Variants in JAKMIP2 observed in about 807,000 individuals in gnomAD.
JAKMIP2 encodes the protein janus kinase and microtubule-interacting protein 2.
JAKMIP2 carries 25 observed loss-of-function variants against 115.0 expected under a neutral mutation model. That is an observed-to-expected ratio of 0.22 (90% CI 0.16 to 0.30). JAKMIP2 has a LOEUF of 0.30. JAKMIP2 is among the 10% of genes least tolerant of loss of function. JAKMIP2 has a pLI of 1.00. For missense variants in JAKMIP2, 642 were observed against 957.6 expected (o/e 0.67, Z 4.35); for synonymous variants, 334 against 343.6 (o/e 0.97, Z 0.31).
intron 21 of JAKMIP2, among the ~76,000 whole-genome samples, chr5:147,594,717 T>C (rs115781044): frequency 0.013 from 1,939 of 152,168 alleles, 19 homozygotes; most frequent in South Asian, 0.06. Flanking sequence ...TTTAACCAGT[T>C]ACACCATCTA....
intron 18 of JAKMIP2, among the ~76,000 whole-genome samples, chr5:147,620,304 A>G (rs140819230): frequency 1.4e-3 from 219 of 152,178 alleles, no homozygotes; most frequent in African/African-American, 5.0e-3. Flanking sequence ...TTGGAGATAC[A>G]AGGTTTCACC....
chr5:147,759,146 A>G (rs1055587482), intron 1 of JAKMIP2, among the ~76,000 whole-genome samples: 1 of 152,130 alleles, frequency 6.6e-6, no homozygotes, highest in African/African-American at 2.4e-5. Context: ...ACATGCCCAT[A>G]CCAGAAGATG....
At chr5:147,686,149 A>G (rs1760559303) in intron 1 of JAKMIP2, among the ~76,000 whole-genome samples, 1 of 152,178 alleles carries the variant, frequency 6.6e-6, no homozygotes, top group Admixed American at 6.5e-5. Flanking sequence ...TCTTCATTGA[A>G]CAGAGAACCA....
chr5:147,675,446 C>T (rs1759886879), intron 1 of JAKMIP2, among the ~76,000 whole-genome samples: 1 of 151,978 alleles, frequency 6.6e-6, no homozygotes, highest in African/African-American at 2.4e-5. Context: ...TCTAATTTTA[C>T]TGCATCTCTT....
intron 16 of JAKMIP2, among the ~76,000 whole-genome samples, chr5:147,627,916 C>T (rs143262788): frequency 1.5e-4 from 22 of 151,492 alleles, no homozygotes; most frequent in African/African-American, 4.1e-4. Context: ...TTATTTGGCC[C>T]GTAGAATTCC....
At chr5:147,607,446 C>T (rs1250433506) in intron 20 of JAKMIP2, among the ~76,000 whole-genome samples, 1 of 152,146 alleles carries the variant, frequency 6.6e-6, no homozygotes, top group Non-Finnish European at 1.5e-5. Context: ...TGGTTTTTGT[C>T]ATTGGTTCTG....
At chr5:147,705,898 T>C (rs1247979347) in intron 1 of JAKMIP2, among the ~76,000 whole-genome samples, 1 of 152,208 alleles carries the variant, frequency 6.6e-6, no homozygotes, top group African/African-American at 2.4e-5. Context: ...ACTCCTGTGT[T>C]GTAGTGGGAG....
intron 12 of JAKMIP2, among the ~76,000 whole-genome samples, chr5:147,635,327 T>C (rs1230961897): frequency 6.6e-6 from 1 of 152,208 alleles, no homozygotes; most frequent in East Asian, 1.9e-4. Flanking sequence ...GCCTAAGCCA[T>C]GTTTTTGTTT....
chr5:147,688,132 G>C (rs1297596929), intron 1 of JAKMIP2, among the ~76,000 whole-genome samples: 1 of 152,152 alleles, frequency 6.6e-6, no homozygotes. Flanking sequence ...TTACAAAGAA[G>C]TCCTGTTCTA....
At chr5:147,759,508 G>T (rs74438390) in intron 1 of JAKMIP2, among the ~76,000 whole-genome samples, 3,739 of 152,054 alleles carry the variant, frequency 0.025, 175 homozygotes, top group African/African-American at 0.084. Context: ...TGCTAGTGGT[G>T]GACAAGAAAC....
At chr5:147,713,891 G>T (rs969423182) in intron 1 of JAKMIP2, among the ~76,000 whole-genome samples, 1 of 152,194 alleles carries the variant, frequency 6.6e-6, no homozygotes, top group African/African-American at 2.4e-5. Context: ...AAAAGTAAAT[G>T]AGTACTCATG....
chr5:147,774,591 C>T (rs1755486842), intron 1 of JAKMIP2, among the ~76,000 whole-genome samples: 1 of 152,022 alleles, frequency 6.6e-6, no homozygotes, highest in Non-Finnish European at 1.5e-5. Context: ...ACTTAAAATA[C>T]CTAATAATTT....
At chr5:147,704,471 C>T (rs1752491515) in intron 1 of JAKMIP2, among the ~76,000 whole-genome samples, 1 of 152,096 alleles carries the variant, frequency 6.6e-6, no homozygotes, top group African/African-American at 2.4e-5. Flanking sequence ...TTTTGTGGGA[C>T]ATGGCTGTAT....
rs1754828969 is a variant in JAKMIP2, at chr5:147,585,448, A to T, written c.*6259T>A. 1 of 152,220 alleles carries T rather than the reference A, an allele frequency of 6.6e-6. No individual in the cohort carries two copies. Among genetic ancestry groups the T allele is most frequent in the Admixed American group, 6.5e-5 (1 of 15,282 alleles). The allele number at this position is 152,220 out of a possible 1,614,324, so 9.4% of individuals were successfully genotyped here. ...CAATGAAAGATAAAGTTTTTAAAAA[A>T]TGCAGCTTGTTTTATTTTTATATAA... On this transcript the variant is annotated 3_prime_UTR_variant, in exon 22 of 22. Coordinates refer to ENST00000616793, the MANE Select transcript of JAKMIP2 (RefSeq NM_001270941.2).
intron 16 of JAKMIP2, among the ~76,000 whole-genome samples, chr5:147,625,433 G>A (rs1757052202): frequency 6.6e-6 from 1 of 152,138 alleles, no homozygotes; most frequent in Non-Finnish European, 1.5e-5. Flanking sequence ...GCCGAGACTG[G>A]AGAGGTGCTA....
intron 1 of JAKMIP2, among the ~76,000 whole-genome samples, chr5:147,720,519 C>T (rs1157047560): frequency 2.7e-5 from 4 of 148,772 alleles, no homozygotes; most frequent in South Asian, 2.2e-4. Context: ...TTCACATAGT[C>T]CCATATTTCT....
intron 1 of JAKMIP2, among the ~76,000 whole-genome samples, chr5:147,688,178 C>T (rs1361079452): frequency 6.6e-6 from 1 of 152,198 alleles, no homozygotes; most frequent in Non-Finnish European, 1.5e-5. Context: ...AACACATTTG[C>T]TGTCCAGAGC....
chr5:147,655,389 G>T (rs939926383), intron 3 of JAKMIP2, among the ~76,000 whole-genome samples: 16 of 152,146 alleles, frequency 1.1e-4, no homozygotes, highest in African/African-American at 2.9e-4. Flanking sequence ...CTTGTCATTG[G>T]TCTATTCAGG....
At chr5:147,637,272 A>T (rs879709995) in intron 10 of JAKMIP2, among the ~76,000 whole-genome samples, 85 of 152,014 alleles carry the variant, frequency 5.6e-4, no homozygotes, top group Non-Finnish European at 7.8e-4. Context: ...CTCCCATTAT[A>T]TTTCCAATCT....
Sources: gnomAD v4.1 joint callset for allele counts (sites outside exome capture counted in the v4.1 genomes callset) on GRCh38, gnomAD v4.1.1 for gene constraint, MANE v1.5 for transcripts, NCBI Gene and HGNC (gene_info 2026-07-23, HGNC 2026-07-21) for gene names.